The following CPNE8 variants were observed in gnomAD, a reference collection of about 807,000 sequenced individuals.
CPNE8 encodes copine 8.
In CPNE8, 45 loss-of-function variants were observed where a neutral mutation model predicts 81.5. The observed-to-expected ratio is 0.55, with a 90% CI of 0.44 to 0.71. The LOEUF (loss-of-function observed/expected upper bound fraction) is 0.71. Ranked by LOEUF, CPNE8 falls within the 30% of genes least tolerant of loss-of-function variation. CPNE8 has a pLI of 0.00. For synonymous variants in CPNE8, 252 were observed against 226.3 expected (o/e 1.11, Z -1.02); for missense variants, 594 against 672.1 (o/e 0.88, Z 1.28).
intron 19 of CPNE8, among the ~76,000 whole-genome samples, chr12:38,669,083 C>T (rs369934722): frequency 6.6e-5 from 10 of 151,796 alleles, no homozygotes; most frequent in South Asian, 2.1e-4. Flanking sequence ...AACACACACA[C>T]GCATAATGAG....
At chr12:38,737,505 T>C (rs1316335534) in intron 10 of CPNE8, among the ~76,000 whole-genome samples, 1 of 152,168 alleles carries the variant, frequency 6.6e-6, no homozygotes, top group Non-Finnish European at 1.5e-5. Context: ...CATACTGGGA[T>C]AATTCTGGGC....
At chr12:38,808,917 G>A (rs928517740) in intron 6 of CPNE8, among the ~76,000 whole-genome samples, 3 of 152,000 alleles carry the variant, frequency 2.0e-5, no homozygotes, top group Non-Finnish European at 4.4e-5. Flanking sequence ...AAGCACGCTA[G>A]TAAACAGGTA....
intron 6 of CPNE8, among the ~76,000 whole-genome samples, chr12:38,809,522 G>A (rs1942891966): frequency 6.6e-6 from 1 of 152,108 alleles, no homozygotes; most frequent in Non-Finnish European, 1.5e-5. Context: ...AGTTCCTTTT[G>A]CCACATAACA....
At chr12:38,671,964 A>AT (rs1939186074) in intron 18 of CPNE8, among the ~76,000 whole-genome samples, 1 of 152,140 alleles carries the variant, frequency 6.6e-6, no homozygotes, top group East Asian at 1.9e-4. Context: ...TGCAGAAGAC[A>AT]TTTTTTAATC....
intron 19 of CPNE8, among the ~76,000 whole-genome samples, chr12:38,665,732 G>A (rs935994741): frequency 1.3e-5 from 2 of 152,104 alleles, no homozygotes; most frequent in African/African-American, 4.8e-5. Flanking sequence ...TATACACAAT[G>A]GCCAATCCAC....
rs150451979 is a variant in CPNE8, at chr12:38,669,081, C to G, written c.1506+1648G>C. On this transcript the variant is annotated intron_variant, in intron 19 of 19. Transcript: ENST00000331366. ...AAAAAAATAAAATAAATAACACACA[C>G]ACGCATAATGAGCTTCTTAAGCAAA... 1.4e-3 allele frequency among the ~76,000 whole-genome samples: 218 copies of G among 151,854 alleles called. 1 individual carries two copies. Among genetic ancestry groups the G allele is most frequent in the African/African-American group, 4.7e-3 (194 of 41,478 alleles).
intron 8 of CPNE8, among the ~76,000 whole-genome samples, chr12:38,764,616 CAAA>C (rs1247038606): frequency 1.1e-4 from 5 of 45,090 alleles, no homozygotes; most frequent in African/African-American, 3.7e-4. Context: ...GACTCCGTCT[CAAA>C]AAAAAAAAAA....
intron 19 of CPNE8, among the ~76,000 whole-genome samples, chr12:38,661,366 C>A (rs1249050602): frequency 1.3e-5 from 2 of 152,056 alleles, no homozygotes; most frequent in Non-Finnish European, 2.9e-5. Flanking sequence ...GGACAGAAAA[C>A]CAAACACTGC....
intron 6 of CPNE8, among the ~76,000 whole-genome samples, chr12:38,796,680 G>A (rs1177439626): frequency 2.0e-5 from 3 of 152,130 alleles, no homozygotes; most frequent in Non-Finnish European, 2.9e-5. Context: ...ACTAGGGAGT[G>A]CCACACAGTG....
At chr12:38,657,119 C>T (rs530518547) in intron 19 of CPNE8, among the ~76,000 whole-genome samples, 5 of 152,264 alleles carry the variant, frequency 3.3e-5, no homozygotes, top group African/African-American at 1.2e-4. Flanking sequence ...TTTCCCTTTC[C>T]TAGCCAAGGG....
At chr12:38,780,282 AAATT>A (rs1219436071) in intron 6 of CPNE8, among the ~76,000 whole-genome samples, 2 of 152,174 alleles carry the variant, frequency 1.3e-5, no homozygotes, top group African/African-American at 4.8e-5. Flanking sequence ...GGATATAAAT[AAATT>A]ATCCATAATG....
chr12:38,726,869 T>A (rs948356130), intron 11 of CPNE8, among the ~76,000 whole-genome samples: 1 of 152,188 alleles, frequency 6.6e-6, no homozygotes, highest in Non-Finnish European at 1.5e-5. Flanking sequence ...AATTACCTCA[T>A]GATTTGGTTT....
At chr12:38,801,796 TA>T (rs1942678708) in intron 6 of CPNE8, among the ~76,000 whole-genome samples, 1 of 106,154 alleles carries the variant, frequency 9.4e-6, no homozygotes, top group Non-Finnish European at 1.9e-5. Context: ...AGGCTCCAAA[TA>T]AAAGGATGGA....
chr12:38,896,446 C>T (rs1229700848), intron 1 of CPNE8, among the ~76,000 whole-genome samples: 29 of 152,114 alleles, frequency 1.9e-4, no homozygotes, highest in Non-Finnish European at 1.5e-5. Flanking sequence ...CTTTTAAATA[C>T]ATCCTATTTT....
At chr12:38,667,078 G>A (rs1478677284) in intron 19 of CPNE8, among the ~76,000 whole-genome samples, 1 of 152,092 alleles carries the variant, frequency 6.6e-6, no homozygotes, top group Non-Finnish European at 1.5e-5. Context: ...ATATTCTGCT[G>A]AACCTCAGCT....
chr12:38,852,099 C>T (rs1289880221), intron 3 of CPNE8, among the ~76,000 whole-genome samples: 1 of 152,102 alleles, frequency 6.6e-6, no homozygotes. Flanking sequence ...TGTCTTCCCC[C>T]TTAATAAAAC....
intron 10 of CPNE8, among the ~76,000 whole-genome samples, chr12:38,755,932 C>T (rs1188536060): frequency 2.7e-5 from 4 of 147,730 alleles, no homozygotes; most frequent in Admixed American, 7.0e-5. Context: ...CCCAGCTACT[C>T]GGGAGGCTGA....
At chr12:38,801,310 C>T (rs1240598654) in intron 6 of CPNE8, among the ~76,000 whole-genome samples, 1 of 26,672 alleles carries the variant, frequency 3.7e-5, no homozygotes, top group Non-Finnish European at 8.0e-5. Flanking sequence ...GCGGATCTCT[C>T]GGCAGAAACC....
intron 6 of CPNE8, among the ~76,000 whole-genome samples, chr12:38,821,508 T>C (rs1533918): frequency 0.91 from 138,698 of 152,268 alleles, 63,311 homozygotes; most frequent in Non-Finnish European, 0.93. Context: ...AAAGGGCTTA[T>C]TTGCACACAA....
Sources: gnomAD v4.1 joint callset for allele counts (sites outside exome capture counted in the v4.1 genomes callset) on GRCh38, gnomAD v4.1.1 for gene constraint, MANE v1.5 for transcripts, NCBI Gene and HGNC (gene_info 2026-07-23, HGNC 2026-07-21) for gene names.